CAMK4: variants seen among roughly 807,000 people sequenced by gnomAD.
CAMK4 encodes calcium/calmodulin dependent protein kinase IV, also known as calcium/calmodulin-dependent protein kinase type IV.
A neutral mutation model predicts 44.9 loss-of-function variants in CAMK4; 22 were observed. The ratio of observed to expected loss-of-function variants is 0.49; its 90% CI spans 0.35 to 0.70. The LOEUF (loss-of-function observed/expected upper bound fraction) is 0.70. CAMK4 is among the 30% of genes least tolerant of loss of function. The pLI is 0.01. For missense variants in CAMK4, 498 were observed against 586.8 expected (o/e 0.85, Z 1.56); for synonymous variants, 218 against 215.4 (o/e 1.01, Z -0.11).
At position 111,491,798 on chromosome 5, in the gene CAMK4, A is replaced by G. The variant is rs141238571; in HGVS notation, c.*7332A>G. On this transcript the variant is annotated 3_prime_UTR_variant, in exon 11 of 11. Coordinates refer to ENST00000282356, the MANE Select transcript of CAMK4 (RefSeq NM_001744.6). ...TAAGCTAAGAAATAAGAAGATCCCT[A>G]TGGTTCTGAATCTCTCATAATATTC... is the stretch of plus-strand genomic sequence containing the variant. 8.5e-5 allele frequency: 13 copies of G among 152,256 alleles called. No individual in the cohort carries two copies. The East Asian group carries it at 1.3e-3, about 16-fold the overall frequency. 9.4% of individuals were successfully genotyped at this position (152,256 alleles called of 1,614,324 possible). A position where few individuals can be genotyped will look rare whatever the true frequency, so the allele number is the denominator to read the frequency against.
At chr5:111,249,545 G>A (rs1274721962) in intron 1 of CAMK4, among the ~76,000 whole-genome samples, 1 of 150,644 alleles carries the variant, frequency 6.6e-6, no homozygotes, top group Non-Finnish European at 1.5e-5. Context: ...ATAAACAAAA[G>A]GCTGACTATG....
At position 111,491,163 on chromosome 5, in the gene CAMK4, A is replaced by T. The variant is rs1202063802; in HGVS notation, c.*6697A>T. ...GAACTCAAATCTCCAAAAATTTTTC[A>T]GAACTCAAGCAACCAATGATTCACA... On this transcript the variant is annotated 3_prime_UTR_variant, in exon 11 of 11. Coordinates refer to ENST00000282356, the MANE Select transcript of CAMK4 (RefSeq NM_001744.6). 2 of 152,192 alleles carry T rather than the reference A, an allele frequency of 1.3e-5. No individual in the cohort carries two copies. The highest frequency in any genetic ancestry group is 4.8e-5 in the African/African-American group (2 of 41,452). The allele number at this position is 152,192 out of a possible 1,614,324, so 9.4% of individuals were successfully genotyped here. A position where few individuals can be genotyped will look rare whatever the true frequency, so the allele number is the denominator to read the frequency against.
At chr5:111,297,262 C>CT (rs748217111) in intron 1 of CAMK4, among the ~76,000 whole-genome samples, 18 of 152,106 alleles carry the variant, frequency 1.2e-4, no homozygotes, top group Non-Finnish European at 1.5e-4. Flanking sequence ...GCATTCTCTT[C>CT]TTTTTTTCCA....
At chr5:111,317,211 T>C (rs1458541875) in intron 1 of CAMK4, among the ~76,000 whole-genome samples, 1 of 152,148 alleles carries the variant, frequency 6.6e-6, no homozygotes, top group Non-Finnish European at 1.5e-5. Flanking sequence ...GTCAGGCTAA[T>C]GTAGGGACTG....
chr5:111,418,940 G>T (rs190948954), intron 5 of CAMK4, among the ~76,000 whole-genome samples: 4,982 of 151,924 alleles, frequency 0.033, 276 homozygotes, highest in African/African-American at 0.11. Context: ...TGATTTATAG[G>T]CCTTTGGGTA....
chr5:111,398,012 T>G (rs1752084944), intron 5 of CAMK4, among the ~76,000 whole-genome samples: 1 of 152,166 alleles, frequency 6.6e-6, no homozygotes, highest in Non-Finnish European at 1.5e-5. Flanking sequence ...AAGAGTGTAC[T>G]GTAAGGCTAC....
intron 7 of CAMK4, among the ~76,000 whole-genome samples, chr5:111,450,272 T>G (rs1754180623): frequency 6.6e-6 from 1 of 152,182 alleles, no homozygotes; most frequent in Non-Finnish European, 1.5e-5. Flanking sequence ...AGGCGGAGGT[T>G]GCAGTGAGCC....
rs183520427 is a variant in CAMK4, at chr5:111,332,127, T to A, written c.162-11897T>A. 2.2e-3 allele frequency among the ~76,000 whole-genome samples: 327 copies of A among 151,750 alleles called. 1 individual carries two copies. Among genetic ancestry groups the A allele is most frequent in the African/African-American group, 7.6e-3 (314 of 41,478 alleles). ...TAAGTTTTAGGGTATATGTGCACAA[T>A]GTGCAAGTTAGTTACGTATGTATAC... On this transcript the variant is annotated intron_variant, in intron 1 of 10. Transcript: ENST00000282356.
intron 1 of CAMK4, among the ~76,000 whole-genome samples, chr5:111,287,174 G>A (rs561800065): frequency 6.6e-6 from 1 of 152,114 alleles, no homozygotes; most frequent in South Asian, 2.1e-4. Flanking sequence ...GAAAACCACT[G>A]CACTTTCCTT....
intron 1 of CAMK4, among the ~76,000 whole-genome samples, chr5:111,311,459 C>G (rs1748201082): frequency 6.6e-6 from 1 of 152,072 alleles, no homozygotes; most frequent in Non-Finnish European, 1.5e-5. Context: ...GTTGATGGGC[C>G]CCATTCTCTC....
At chr5:111,348,943 G>T (rs1045365578) in intron 2 of CAMK4, among the ~76,000 whole-genome samples, 3 of 151,974 alleles carry the variant, frequency 2.0e-5, no homozygotes, top group African/African-American at 7.2e-5. Context: ...AATAGAAAAT[G>T]ATAACTGAAC....
chr5:111,251,841 C>G (rs1016256768), intron 1 of CAMK4, among the ~76,000 whole-genome samples: 6 of 152,094 alleles, frequency 3.9e-5, no homozygotes, highest in Non-Finnish European at 8.8e-5. Flanking sequence ...TTTTCCATCT[C>G]ACGTAATGTT....
intron 1 of CAMK4, among the ~76,000 whole-genome samples, chr5:111,342,076 G>T (rs1258761019): frequency 6.6e-6 from 1 of 151,362 alleles, no homozygotes; most frequent in East Asian, 1.9e-4. Context: ...ACTTTGAAGA[G>T]AATATGTATT....
chr5:111,466,455 A>T (rs560919996), intron 7 of CAMK4, among the ~76,000 whole-genome samples: 1 of 152,180 alleles, frequency 6.6e-6, no homozygotes, highest in East Asian at 1.9e-4. Flanking sequence ...AACCCTAAAG[A>T]CTCCTGCAAA....
intron 4 of CAMK4, among the ~76,000 whole-genome samples, chr5:111,393,388 T>A (rs1028908111): frequency 5.3e-5 from 8 of 152,170 alleles, no homozygotes; most frequent in Non-Finnish European, 1.2e-4. Context: ...AGGTATAGAA[T>A]GAAATGTAAT....
At chr5:111,242,834 C>G (rs866705316) in intron 1 of CAMK4, among the ~76,000 whole-genome samples, 1 of 148,960 alleles carries the variant, frequency 6.7e-6, no homozygotes, top group South Asian at 2.2e-4. Flanking sequence ...CCCCCTCACT[C>G]CACGCCCCCT....
At chr5:111,393,883 T>C (rs1381971409) in intron 4 of CAMK4, among the ~76,000 whole-genome samples, 1 of 151,582 alleles carries the variant, frequency 6.6e-6, no homozygotes, top group Admixed American at 6.6e-5. Context: ...GTTTTTTTTT[T>C]TTTTTTAAAG....
chr5:111,260,820 A>G (rs1156899463), intron 1 of CAMK4, among the ~76,000 whole-genome samples: 1 of 152,154 alleles, frequency 6.6e-6, no homozygotes, highest in Non-Finnish European at 1.5e-5. Context: ...AACCTTTCTC[A>G]GTTATATTAT....
At chr5:111,377,965 G>A (rs567231273) in intron 4 of CAMK4, among the ~76,000 whole-genome samples, 13 of 152,170 alleles carry the variant, frequency 8.5e-5, no homozygotes, top group Admixed American at 1.3e-4. Flanking sequence ...ATCTAAAGGG[G>A]ATTAGTTTTG....
Sources: allele counts gnomAD v4.1 joint callset (sites outside exome capture counted in the v4.1 genomes callset), GRCh38; gene constraint gnomAD v4.1.1; transcripts MANE v1.5; gene names NCBI Gene and HGNC (gene_info 2026-07-23, HGNC 2026-07-21).